NLGN1: variants seen among roughly 807,000 people sequenced by gnomAD.
NLGN1 encodes the protein neuroligin-1.
In NLGN1, 12 loss-of-function variants were observed where a neutral mutation model predicts 65.5. The ratio of observed to expected loss-of-function variants is 0.18; its 90% confidence interval spans 0.12 to 0.30. NLGN1 has a LOEUF of 0.30. Among genes scored for constraint, NLGN1 ranks in the 10% least tolerant of loss-of-function variants. The pLI, the probability that NLGN1 is intolerant of heterozygous loss-of-function variation, is 1.00. For missense variants in NLGN1, 750 were observed against 1,007.1 expected, an observed-to-expected ratio of 0.74 and a Z score of 3.46; for synonymous variants, 350 against 359.5, an observed-to-expected ratio of 0.97 and a Z score of 0.30.
intron 4 of NLGN1, among the ~76,000 whole-genome samples, chr3:174,052,153 A>G (rs1021542410): frequency 3.3e-5 from 5 of 151,906 alleles, no homozygotes; most frequent in African/African-American, 1.2e-4. Context: ...TCCATGAACC[A>G]TTTTACTGAA....
chr3:173,986,234 C>T (rs1449402202), intron 4 of NLGN1, among the ~76,000 whole-genome samples: 1 of 151,964 alleles, frequency 6.6e-6, no homozygotes, highest in Non-Finnish European at 1.5e-5. Flanking sequence ...TTTGGGAGGC[C>T]AAGGTGGGCG....
At chr3:173,727,235 A>T (rs1271875654) in intron 3 of NLGN1, among the ~76,000 whole-genome samples, 1 of 152,098 alleles carries the variant, frequency 6.6e-6, no homozygotes, top group African/African-American at 2.4e-5. Flanking sequence ...TAAGTATTTC[A>T]TGGGATCAGT....
chr3:174,121,215 A>G (rs1717712010), intron 4 of NLGN1, among the ~76,000 whole-genome samples: 1 of 152,228 alleles, frequency 6.6e-6, no homozygotes, highest in Non-Finnish European at 1.5e-5. Flanking sequence ...AACTAGTGAC[A>G]GCATTTGAAA....
At chr3:173,420,323 G>A (rs561455446) in intron 1 of NLGN1, among the ~76,000 whole-genome samples, 9 of 138,656 alleles carry the variant, frequency 6.5e-5, no homozygotes, top group South Asian at 4.7e-4. Context: ...GAGAACATGC[G>A]GTGTTTGGTT....
At chr3:173,713,025 G>T (rs189554033) in intron 3 of NLGN1, among the ~76,000 whole-genome samples, 1 of 152,010 alleles carries the variant, frequency 6.6e-6, no homozygotes, top group Non-Finnish European at 1.5e-5. Context: ...CATTCTAAGA[G>T]ATTATATTCA....
intron 4 of NLGN1, among the ~76,000 whole-genome samples, chr3:174,170,393 G>C (rs1728299966): frequency 6.6e-6 from 1 of 152,150 alleles, no homozygotes; most frequent in South Asian, 2.1e-4. Flanking sequence ...ACAGGGCCCA[G>C]CAGCACATGG....
intron 3 of NLGN1, among the ~76,000 whole-genome samples, chr3:173,708,753 G>A (rs984716529): frequency 6.6e-6 from 1 of 152,010 alleles, no homozygotes; most frequent in African/African-American, 2.4e-5. Context: ...TAGATGTAGG[G>A]GTGGTAATGA....
intron 2 of NLGN1, among the ~76,000 whole-genome samples, chr3:173,514,252 G>GT (rs1398311419): frequency 2.0e-5 from 3 of 152,104 alleles, no homozygotes; most frequent in South Asian, 4.1e-4. Flanking sequence ...TGTTTCAATA[G>GT]TTTTTTAGGG....
At chr3:173,888,428 T>C (rs984067553) in intron 4 of NLGN1, among the ~76,000 whole-genome samples, 5 of 152,078 alleles carry the variant, frequency 3.3e-5, no homozygotes, top group Admixed American at 6.6e-5. Flanking sequence ...ATTTTAAAAA[T>C]ATTTTTATTG....
intron 4 of NLGN1, among the ~76,000 whole-genome samples, chr3:173,822,647 G>C (rs1376524656): frequency 6.6e-6 from 1 of 151,940 alleles, no homozygotes; most frequent in Non-Finnish European, 1.5e-5. Context: ...AAGCATTCTG[G>C]CTAACTGTTA....
chr3:173,546,834 A>G (rs1739936566), intron 2 of NLGN1, among the ~76,000 whole-genome samples: 1 of 152,250 alleles, frequency 6.6e-6, no homozygotes, highest in Non-Finnish European at 1.5e-5. Flanking sequence ...TGAAGAAGAA[A>G]ATGATTAAAT....
chr3:173,610,540 A>G (rs1186239997), intron 3 of NLGN1, among the ~76,000 whole-genome samples: 1 of 152,046 alleles, frequency 6.6e-6, no homozygotes, highest in Non-Finnish European at 1.5e-5. Flanking sequence ...GAAGATAACA[A>G]AAGAAACAAG....
intron 4 of NLGN1, among the ~76,000 whole-genome samples, chr3:174,155,208 CTA>C (rs1421366312): frequency 6.6e-6 from 1 of 150,792 alleles, no homozygotes; most frequent in Non-Finnish European, 1.5e-5. Flanking sequence ...CTTGCCCTTA[CTA>C]TGTCTTTTCT....
intron 4 of NLGN1, among the ~76,000 whole-genome samples, chr3:173,864,916 A>G (rs979699423): frequency 2.0e-5 from 3 of 152,170 alleles, no homozygotes; most frequent in African/African-American, 7.2e-5. Context: ...ACTGCCTTTT[A>G]GGGGGAAAAA....
chr3:174,124,428 T>G (rs1718415546), intron 4 of NLGN1, among the ~76,000 whole-genome samples: 1 of 151,508 alleles, frequency 6.6e-6, no homozygotes, highest in South Asian at 2.1e-4. Flanking sequence ...AAAATCACCA[T>G]AGTCCCTGTT....
intron 4 of NLGN1, among the ~76,000 whole-genome samples, chr3:173,811,907 T>C (rs929030884): frequency 7.9e-5 from 12 of 152,200 alleles, no homozygotes; most frequent in African/African-American, 2.9e-4. Context: ...AAATTACTTT[T>C]GGAGTAAAAG....
chr3:173,444,231 C>T (rs1306499053), intron 2 of NLGN1, among the ~76,000 whole-genome samples: 1 of 152,200 alleles, frequency 6.6e-6, no homozygotes, highest in Non-Finnish European at 1.5e-5. Flanking sequence ...GTCATAAAAT[C>T]ACTTTCATAT....
intron 2 of NLGN1, among the ~76,000 whole-genome samples, chr3:173,476,467 T>C (rs910537775): frequency 3.9e-5 from 6 of 152,202 alleles, no homozygotes; most frequent in Non-Finnish European, 7.3e-5. Flanking sequence ...TTTTTTGGTA[T>C]ATATGAGCCC....
At chr3:173,922,048 T>A (rs1742120138) in intron 4 of NLGN1, among the ~76,000 whole-genome samples, 1 of 152,246 alleles carries the variant, frequency 6.6e-6, no homozygotes, top group African/African-American at 2.4e-5. Context: ...TTGGTGGTGG[T>A]GGTGTTTCTT....
Sources: allele counts gnomAD v4.1 joint callset (sites outside exome capture counted in the v4.1 genomes callset), GRCh38; gene constraint gnomAD v4.1.1; transcripts MANE v1.5; gene names NCBI Gene and HGNC (gene_info 2026-07-23, HGNC 2026-07-21).